Variants in EPDR1 observed in about 807,000 individuals in gnomAD.
EPDR1 encodes ependymin related 1.
Under a neutral mutation model 23.7 loss-of-function variants are expected in EPDR1, and 27 were observed. That is an observed-to-expected ratio of 1.14 (90% CI 0.84 to 1.57). The LOEUF (loss-of-function observed/expected upper bound fraction) is 1.57, where lower values mean the gene tolerates loss of function less well. EPDR1 is among the 40% of genes most tolerant of loss of function. The pLI is 0.00. For missense variants in EPDR1, 349 were observed against 290.4 expected, an observed-to-expected ratio of 1.20 and a Z score of -1.47; for synonymous variants, 137 against 118.2, an observed-to-expected ratio of 1.16 and a Z score of -1.03.
In EPDR1 at chr7:37,949,025, C is replaced by T. The variant is rs201805905; in HGVS notation, c.455C>T (p.Ser152Leu). 1.7e-5 allele frequency: 28 copies of T among 1,614,014 alleles called. No homozygotes were observed. Among genetic ancestry groups the T allele is most frequent in the Admixed American group, 1.5e-4 (9 of 60,012 alleles). Residue 152 changes from serine to leucine, a missense_variant, in exon 2 of 3, where the codon TCG (serine) becomes TTG (leucine). Physicochemically the swap from Ser to Leu is moderately radical, Grantham distance 145. Coordinates refer to ENST00000199448, the MANE Select transcript of EPDR1 (RefSeq NM_017549.5). ...GAGCAGATCACCGTCCAGGAGTGGT[C>T]GGACAGAAAGTCAGCTAGATCCTGT... The part of the protein sequence containing the change: ...PQEQITVQEW[S>L]DRKSARSYET...
chr7:37,936,032 A>G (rs1050846292), intron 1 of EPDR1, among the ~76,000 whole-genome samples: 2 of 131,064 alleles, frequency 1.5e-5, no homozygotes, highest in Non-Finnish European at 3.2e-5. Context: ...ATATATATAT[A>G]TATATATACA....
In EPDR1 at chr7:37,940,758, A is replaced by T. The variant is rs149232823; in HGVS notation, c.270-8082A>T. ...ACAAAAAATAGGGGGGAAAACCTGTAATGTTAATTTAAATGGAAAATATCT... is the reference window on the plus strand; with the variant it reads ...ACAAAAAATAGGGGGGAAAACCTGTTATGTTAATTTAAATGGAAAATATCT... On this transcript the variant is annotated intron_variant, in intron 1 of 2. Transcript: ENST00000199448. Among the ~76,000 whole-genome samples the T allele has an allele frequency of 5.1e-3, 778 of 152,208 alleles. 6 individuals carry two copies. Among genetic ancestry groups the T allele is most frequent in the African/African-American group, 0.018 (744 of 41,538 alleles).
In EPDR1 at chr7:37,920,732, C is replaced by A. The variant is rs144205226; in HGVS notation, c.-208C>A. 1 of 1,608,696 alleles carries A rather than the reference C, an allele frequency of 6.2e-7. No homozygotes were observed. Among genetic ancestry groups the A allele is most frequent in the Non-Finnish European group, 8.5e-7 (1 of 1,177,248 alleles). On this transcript the variant is annotated 5_prime_UTR_variant, in exon 1 of 3. Coordinates refer to ENST00000199448, the MANE Select transcript of EPDR1 (RefSeq NM_017549.5). The stretch of plus-strand genomic sequence containing the variant: ...ATAGCTCCCGCGCGATTCACTGGAG[C>A]CTTCCCCGGGCCCTGGTCCCGGCTA...
At chr7:37,942,518 G>A (rs1786188273) in intron 1 of EPDR1, among the ~76,000 whole-genome samples, 1 of 152,110 alleles carries the variant, frequency 6.6e-6, no homozygotes, top group African/African-American at 2.4e-5. Flanking sequence ...GTACCACAAT[G>A]TGAATATATT....
intron 1 of EPDR1, among the ~76,000 whole-genome samples, chr7:37,944,552 CAGA>C (rs569677477): frequency 7.6e-4 from 115 of 152,260 alleles, no homozygotes; most frequent in Non-Finnish European, 1.2e-3. Flanking sequence ...CTCACAGTGG[CAGA>C]AGAAGGAAGA....
intron 1 of EPDR1, chr7:37,921,452 G>A (rs995524914): frequency 2.0e-5 from 28 of 1,382,292 alleles, no homozygotes; most frequent in Non-Finnish European, 2.4e-5. Context: ...GCGGTGGCAG[G>A]TAAAGAAGGG....
At chr7:37,947,738 A>T (rs1193606952) in intron 1 of EPDR1, among the ~76,000 whole-genome samples, 1 of 152,204 alleles carries the variant, frequency 6.6e-6, no homozygotes, top group East Asian at 1.9e-4. Flanking sequence ...ATTGACAGTG[A>T]AATGCATAGA....
intron 1 of EPDR1, among the ~76,000 whole-genome samples, chr7:37,941,207 T>C (rs1246398826): frequency 6.6e-6 from 1 of 152,252 alleles, no homozygotes; most frequent in African/African-American, 2.4e-5. Context: ...TGTCATTTAC[T>C]ATACCATTGG....
chr7:37,922,195 T>C (rs1785721010), intron 1 of EPDR1, among the ~76,000 whole-genome samples: 1 of 152,182 alleles, frequency 6.6e-6, no homozygotes, highest in African/African-American at 2.4e-5. Context: ...GCCAATGGAC[T>C]GTAAGATCTA....
intron 1 of EPDR1, among the ~76,000 whole-genome samples, chr7:37,936,755 T>C (rs1382663965): frequency 1.3e-5 from 2 of 152,080 alleles, no homozygotes; most frequent in Admixed American, 1.3e-4. Context: ...TAGAAACAAA[T>C]TTAAAGGAAA....
intron 1 of EPDR1, among the ~76,000 whole-genome samples, chr7:37,945,878 C>T (rs1208677571): frequency 6.6e-6 from 1 of 152,168 alleles, no homozygotes; most frequent in Non-Finnish European, 1.5e-5. Flanking sequence ...CTCCCCCTCC[C>T]CCAAGCTCCA....
At chr7:37,940,560 C>G (rs957787829) in intron 1 of EPDR1, among the ~76,000 whole-genome samples, 10 of 152,190 alleles carry the variant, frequency 6.6e-5, no homozygotes, top group African/African-American at 2.4e-4. Flanking sequence ...GAATTATATT[C>G]TAAGGATAAG....
At chr7:37,946,271 G>T (rs1457627499) in intron 1 of EPDR1, among the ~76,000 whole-genome samples, 1 of 152,114 alleles carries the variant, frequency 6.6e-6, no homozygotes, top group East Asian at 1.9e-4. Context: ...GTGGGTTGAT[G>T]GTATTTCTGG....
Position 37,920,654 on chromosome 7 carries a change from CG to C in EPDR1, c.-284del. 6.4e-7 allele frequency: 1 copy of C among 1,574,144 alleles called. No homozygotes were observed. On this transcript the variant is annotated 5_prime_UTR_variant, in exon 1 of 3. Transcript: ENST00000199448. ...CAGCAGTGAGCAGTGAAAACCGAAG[CG>C]GCAGAAGGCAGTGGCAGCAGGCAGT... is the stretch of plus-strand genomic sequence containing the variant.
intron 1 of EPDR1, among the ~76,000 whole-genome samples, chr7:37,926,272 C>T (rs1785807223): frequency 1.3e-5 from 2 of 152,138 alleles, no homozygotes; most frequent in African/African-American, 2.4e-5. Flanking sequence ...GCTTCCCCCT[C>T]GCCTGAACTG....
intron 1 of EPDR1, among the ~76,000 whole-genome samples, chr7:37,944,258 C>T (rs906731184): frequency 4.6e-5 from 7 of 152,176 alleles, no homozygotes; most frequent in Non-Finnish European, 7.3e-5. Context: ...ATTCCATTTG[C>T]GTTTTGGAAA....
Position 37,948,976 on chromosome 7 carries a change from C to A in EPDR1, c.406C>A (p.Gln136Lys). ...DIPQNSTFED[Q>K]YSIGGPQEQI... ...TCCTCAAAACTCCACCTTTGAAGACCAGTACTCCATCGGGGGGCCTCAGGA... is the reference window on the plus strand; with the variant it reads ...TCCTCAAAACTCCACCTTTGAAGACAAGTACTCCATCGGGGGGCCTCAGGA... Residue 136 changes from glutamine to lysine, a missense_variant, in exon 2 of 3, where the codon CAG becomes AAG. Physicochemically the swap from Gln to Lys is moderately conservative, Grantham distance 53. Coordinates refer to ENST00000199448, the MANE Select transcript of EPDR1 (RefSeq NM_017549.5). The A allele has an allele frequency of 4.3e-6, 7 of 1,614,122 alleles. No individual in the cohort carries two copies. Among genetic ancestry groups the A allele is most frequent in the Non-Finnish European group, 5.9e-6 (7 of 1,180,006 alleles).
At chr7:37,929,727 T>C (rs1300869204) in intron 1 of EPDR1, among the ~76,000 whole-genome samples, 2 of 152,168 alleles carry the variant, frequency 1.3e-5, no homozygotes, top group Admixed American at 1.3e-4. Flanking sequence ...ACTGCAGTGT[T>C]TTGAAAAGTT....
chr7:37,951,192 T>C lies in EPDR1; in HGVS notation c.*796T>C, dbSNP rs555281821. Reference sequence around the variant, plus strand: ...TCAATACACAGGCAGTATTCTAAAATAGCACTGAACAGGGAGTCAGGAGAC... The same window carrying C: ...TCAATACACAGGCAGTATTCTAAAACAGCACTGAACAGGGAGTCAGGAGAC... On this transcript the variant is annotated 3_prime_UTR_variant, in exon 3 of 3. Transcript: ENST00000199448. The C allele has an allele frequency of 4.6e-5, 7 of 152,326 alleles. No individual in the cohort carries two copies. The highest frequency in any genetic ancestry group is 1.9e-4 in the East Asian group (1 of 5,188). The allele number at this position is 152,326 out of a possible 1,614,324, so 9.4% of individuals were successfully genotyped here.
Sources: allele counts gnomAD v4.1 joint callset (sites outside exome capture counted in the v4.1 genomes callset), GRCh38; gene constraint gnomAD v4.1.1; transcripts MANE v1.5; gene names NCBI Gene and HGNC (gene_info 2026-07-23, HGNC 2026-07-21).